The following MBD6 variants were observed in gnomAD, a reference collection of about 807,000 sequenced individuals.
MBD6 encodes methyl-CpG binding domain protein 6, also known as methyl-CpG-binding domain protein 6.
Under a neutral mutation model 66.8 loss-of-function variants are expected in MBD6, and 22 were observed. That is an observed-to-expected ratio of 0.33 (90% CI 0.24 to 0.47). The LOEUF (loss-of-function observed/expected upper bound fraction) is 0.47, where lower values mean the gene tolerates loss of function less well. Among genes scored for constraint, MBD6 ranks in the 20% least tolerant of loss-of-function variants. The pLI is 1.00. For synonymous variants in MBD6, 540 were observed against 534.6 expected (o/e 1.01, Z -0.14); for missense variants, 1,322 against 1,286.9 (o/e 1.03, Z -0.42).
chr12:57,526,053 C>A lies in MBD6; in HGVS notation c.1085C>A (p.Ser362Tyr), dbSNP rs1392433512. ...SASHSSSLRP[S>Y]QRRPRRPPTV... is the part of the protein sequence containing the mutation. ...TCCCACTCCTCATCACTTCGTCCCT[C>A]TCAGCGTCGTCCCCGCAGACCCCCT... The change falls in exon 6 of 13, where the codon TCT becomes TAT. Residue 362 changes from serine (S) to tyrosine (Y), a missense_variant. Physicochemically the swap from Ser to Tyr is moderately radical, Grantham distance 144. Transcript: ENST00000355673. The A allele has an allele frequency of 6.2e-7, 1 of 1,613,920 alleles. No individual in the cohort carries two copies. The highest frequency in any genetic ancestry group is 1.1e-5 in the South Asian group (1 of 91,070).
In MBD6 at chr12:57,524,969, C is replaced by A; in HGVS notation, c.233C>A (p.Pro78His). Residue 78 changes from proline (P) to histidine (H), a missense_variant, in exon 5 of 13, where the codon CCT becomes CAT. Pro to His is a moderately conservative substitution (Grantham distance 77). Transcript: ENST00000355673. The stretch of plus-strand genomic sequence containing the variant: ...ACCTTACAGGTTTTCAACTTTGACC[C>A]TTTGGCCCCGGTGACCCCGGGTGGG... ...LNVPKVFNFD[P>H]LAPVTPGGAG... is the part of the protein sequence containing the mutation. 6.2e-7 allele frequency: 1 copy of A among 1,602,866 alleles called. No individual in the cohort carries two copies. Among genetic ancestry groups the A allele is most frequent in the Non-Finnish European group, 8.5e-7 (1 of 1,172,980 alleles).
At chr12:57,523,042 G>GCCCCTC (rs1441993898) in intron 1 of MBD6, 31 bp downstream of exon 1, 15 of 29,610 alleles carry the variant, frequency 5.1e-4, no homozygotes, top group African/African-American at 8.7e-4. Context: ...CCCCCACCCT[G>GCCCCTC]CCCCTCCCCC....
At position 57,528,323 on chromosome 12, in the gene MBD6, A is replaced by T. The variant is rs1316747092; in HGVS notation, c.2583A>T (p.Gly861=). The change falls in exon 10 of 13, where the codon GGA becomes GGT. Residue 861 remains glycine, a synonymous_variant. Transcript: ENST00000355673. The part of the protein sequence containing the change: ...GRGSGKRGRR[G]GGGLRGINGE... ...GGTCAGGGAAACGGGGCCGGAGGGGAGGAGGGGGACTTAGGGGCATTAATG... is the reference window on the plus strand; with the variant it reads ...GGTCAGGGAAACGGGGCCGGAGGGGTGGAGGGGGACTTAGGGGCATTAATG... The T allele has an allele frequency of 6.2e-7, 1 of 1,608,298 alleles. No individual in the cohort carries two copies. Among genetic ancestry groups the T allele is most frequent in the Non-Finnish European group, 8.5e-7 (1 of 1,177,220 alleles).
At chr12:57,528,914 C>T in intron 11 of MBD6, 32 bp from the exon 12 acceptor site, 1 of 1,614,082 alleles carries the variant, frequency 6.2e-7, no homozygotes, top group Non-Finnish European at 8.5e-7. Flanking sequence ...TGCTTGGGAG[C>T]TGTTCCTGAT....
At position 57,526,566 on chromosome 12, in the gene MBD6, G is replaced by A; in HGVS notation, c.1421G>A (p.Gly474Asp). 6.6e-7 allele frequency: 1 copy of A among 1,510,558 alleles called. No homozygotes were observed. Among genetic ancestry groups the A allele is most frequent in the Non-Finnish European group, 8.8e-7 (1 of 1,130,986 alleles). The allele number at this position is 1,510,558 out of a possible 1,614,324, so 93.6% of individuals were successfully genotyped here. ...TTSGSLSSVP[G>D]APAPPAASKA... Reference sequence around the variant, plus strand: ...GCTGAATTTCTCTCCTCTTTTACAGGTGCCCCTGCCCCACCAGCTGCCTCC... The same window carrying A: ...GCTGAATTTCTCTCCTCTTTTACAGATGCCCCTGCCCCACCAGCTGCCTCC... Residue 474 changes from glycine to aspartate, a missense_variant and splice_region_variant, in exon 7 of 13, where the codon GGT (glycine) becomes GAT (aspartate). By Grantham distance (94) the Gly-to-Asp change is moderately conservative. Transcript: ENST00000355673.
intron 7 of MBD6, 132 bp downstream of exon 7, chr12:57,527,359 G>T: frequency 1.7e-6 from 2 of 1,169,720 alleles, no homozygotes; most frequent in Non-Finnish European, 2.4e-6. Flanking sequence ...TTCTTGGCTG[G>T]GGGTAGGATG....
At chr12:57,521,239 G>GA (rs943620686), upstream of MBD6, 2 of 152,274 alleles carry the variant, frequency 1.3e-5, no homozygotes, top group African/African-American at 4.8e-5. Flanking sequence ...GAGGAGAGCG[G>GA]ATCACTTGAG....
intron 1 of MBD6, among the ~76,000 whole-genome samples, chr12:57,523,569 A>C (rs986144054): frequency 6.6e-6 from 1 of 152,130 alleles, no homozygotes; most frequent in Non-Finnish European, 1.5e-5. Context: ...TGTCTGATGG[A>C]GCAGGCATGG....
At chr12:57,531,288 G>A (rs868722879), downstream of MBD6, among the ~76,000 whole-genome samples, 4 of 151,986 alleles carry the variant, frequency 2.6e-5, no homozygotes, top group Non-Finnish European at 1.5e-5. Flanking sequence ...TTGGGAGGCC[G>A]AGATGGGTGG....
At chr12:57,530,605 A>T, downstream of MBD6, 1 of 1,213,272 alleles carries the variant, frequency 8.2e-7, no homozygotes. Flanking sequence ...TGCTAGAGTT[A>T]TAGTAAAGGG....
rs759107955 is a variant in MBD6 at position 57,527,049 on chromosome 12, C to T, written c.1904C>T (p.Ala635Val). 6.2e-7 allele frequency: 1 copy of T among 1,609,938 alleles called. No homozygotes were observed. The highest frequency in any genetic ancestry group is 1.1e-5 in the South Asian group (1 of 90,712). The change falls in exon 7 of 13, where the codon GCT (alanine) becomes GTT (valine). Residue 635 changes from alanine (A) to valine (V), a missense_variant. Physicochemically the swap from Ala to Val is moderately conservative, Grantham distance 64 (BLOSUM62 0). Transcript: ENST00000355673. Reference protein sequence around the residue: ...FLPLLALGPTAGDGEGSAEGA... With the variant: ...FLPLLALGPTVGDGEGSAEGA... ...CCCCTGTTGGCTCTGGGCCCCACAG[C>T]TGGGGATGGGGAGGGATCTGCAGAG...
intron 2 of MBD6, 27 bp from the exon 3 acceptor site, chr12:57,524,253 T>A (rs759752945): frequency 7.3e-7 from 1 of 1,372,850 alleles, no homozygotes; most frequent in Non-Finnish European, 1.0e-6. Flanking sequence ...ATCCTCCTAG[T>A]GCCTACATGG....
intron 1 of MBD6, chr12:57,523,300 T>C (rs968679542): frequency 6.6e-6 from 1 of 151,090 alleles, no homozygotes; most frequent in African/African-American, 2.4e-5. Context: ...GGGCGCCTTG[T>C]TGTGAGAGGG....
rs1565672368 is a variant in MBD6, at chr12:57,529,438, C to CCA, written c.*204_*205insCA. ...AGTTCACCCCCCCCCACCACCCCCC[C>CCA]GCCCCCCCGAAGCCATGTCACTGAA... On this transcript the variant is annotated 3_prime_UTR_variant, in exon 13 of 13. Transcript: ENST00000355673. 5.5e-6 allele frequency: 3 copies of CCA among 546,914 alleles called. No homozygotes were observed. 33.9% of individuals were successfully genotyped at this position (546,914 alleles called of 1,614,324 possible).
At position 57,529,429 on chromosome 12, in the gene MBD6, C is replaced by CCG. The variant is rs1879392083; in HGVS notation, c.*196_*197insGC. ...GGGCAGGGAAGTTCACCCCCCCCCACCACCCCCCCGCCCCCCCGAAGCCAT... is the reference window on the plus strand; with the variant it reads ...GGGCAGGGAAGTTCACCCCCCCCCACCGCACCCCCCCGCCCCCCCGAAGCCAT... On this transcript the variant is annotated 3_prime_UTR_variant, in exon 13 of 13. Coordinates refer to ENST00000355673, the MANE Select transcript of MBD6 (RefSeq NM_052897.4). 4 of 466,160 alleles carry CCG rather than the reference C, an allele frequency of 8.6e-6. No individual in the cohort carries two copies. The highest frequency in any genetic ancestry group is 1.5e-5 in the Non-Finnish European group (4 of 264,220). The allele number at this position is 466,160 out of a possible 1,614,324, so 28.9% of individuals were successfully genotyped here. A position where few individuals can be genotyped will look rare whatever the true frequency, so the allele number is the denominator to read the frequency against.
At chr12:57,526,469 C>T (rs1878964126) in intron 6 of MBD6, 81 bp downstream of exon 6, 3 of 1,516,768 alleles carry the variant, frequency 2.0e-6, no homozygotes, top group Admixed American at 2.2e-5. Flanking sequence ...TCAGAGAGCT[C>T]TTTGAGGGTT....
rs1235613162 is a variant in MBD6, at chr12:57,529,439, G to GC, written c.*212dup. The GC allele has an allele frequency of 3.3e-4, 153 of 458,542 alleles. 1 individual carries two copies. The highest frequency in any genetic ancestry group is 1.5e-3 in the Admixed American group (37 of 25,030). 28.4% of individuals were successfully genotyped at this position (458,542 alleles called of 1,614,324 possible). A position where few individuals can be genotyped will look rare whatever the true frequency, so the allele number is the denominator to read the frequency against. On this transcript the variant is annotated 3_prime_UTR_variant, in exon 13 of 13. Coordinates refer to ENST00000355673, the MANE Select transcript of MBD6 (RefSeq NM_052897.4). ...GTTCACCCCCCCCCACCACCCCCCCGCCCCCCCGAAGCCATGTCACTGAAA... is the reference window on the plus strand; with the variant it reads ...GTTCACCCCCCCCCACCACCCCCCCGCCCCCCCCGAAGCCATGTCACTGAAA...
intron 12 of MBD6, 42 bp from the exon 13 acceptor site, chr12:57,529,118 C>A: frequency 6.2e-7 from 1 of 1,613,372 alleles, no homozygotes; most frequent in South Asian, 1.1e-5. Context: ...TTCCTGATAC[C>A]TAGCAATTGA....
Position 57,524,099 on chromosome 12 carries a change from G to C in MBD6, c.-25+7G>C. ...TGTTTGCAGAGATGTTCAGGTAGCT[G>C]TGGTGATACGGCAGAGGACTCCTCA... On this transcript the variant is annotated splice_region_variant and intron_variant, in intron 2 of 12. Coordinates refer to ENST00000355673, the MANE Select transcript of MBD6 (RefSeq NM_052897.4). 1 of 422,934 alleles carries C rather than the reference G, an allele frequency of 2.4e-6. No homozygotes were observed. 26.2% of individuals were successfully genotyped at this position (422,934 alleles called of 1,614,324 possible).
Sources: allele counts gnomAD v4.1 joint callset (sites outside exome capture counted in the v4.1 genomes callset), GRCh38; gene constraint gnomAD v4.1.1; transcripts MANE v1.5; gene names NCBI Gene and HGNC (gene_info 2026-07-23, HGNC 2026-07-21).